Variants in ANXA8 observed in about 807,000 individuals in gnomAD.
The protein encoded by ANXA8 is VAC-beta.
In ANXA8, 9 loss-of-function variants were observed where a neutral mutation model predicts 26.8. The observed-to-expected ratio is 0.34, with a 90% CI of 0.20 to 0.59. The LOEUF (loss-of-function observed/expected upper bound fraction) is 0.59. Among genes scored for constraint, ANXA8 ranks in the 20% least tolerant of loss-of-function variants. The pLI, the probability that ANXA8 is intolerant of heterozygous loss-of-function variation, is 0.84. For synonymous variants in ANXA8, 39 were observed against 94.8 expected, an observed-to-expected ratio of 0.41 and a Z score of 3.42; for missense variants, 83 against 238.5, an observed-to-expected ratio of 0.35 and a Z score of 4.29.
the ANXA8 span, among the ~76,000 whole-genome samples, chr10:47,945,337 C>T: frequency 2.0e-5 from 3 of 150,380 alleles, no homozygotes; most frequent in Admixed American, 6.6e-5. Context: ...AATCAGGAGG[C>T]AGCAGGTGAC....
At chr10:47,566,304 C>A in the ANXA8 span, among the ~76,000 whole-genome samples, 1 of 151,246 alleles carries the variant, frequency 6.6e-6, no homozygotes, top group Non-Finnish European at 1.5e-5. Context: ...GGGGCCCCTC[C>A]CTGATCCCCC....
the ANXA8 span, among the ~76,000 whole-genome samples, chr10:47,595,405 A>G: frequency 6.8e-6 from 1 of 147,786 alleles, no homozygotes; most frequent in Non-Finnish European, 1.5e-5. Flanking sequence ...ACAATCTCAC[A>G]TATCAATGTT....
chr10:47,487,090 T>C, upstream of ANXA8: 2 of 857,948 alleles, frequency 2.3e-6, no homozygotes, highest in Non-Finnish European at 3.5e-6. Context: ...AACACCCTGA[T>C]TGATCACTAT....
At chr10:47,660,602 T>C in the ANXA8 span, among the ~76,000 whole-genome samples, 1 of 151,788 alleles carries the variant, frequency 6.6e-6, no homozygotes, top group Non-Finnish European at 1.5e-5. Context: ...GGTTTCGCCA[T>C]GTTGGCCAGG....
the ANXA8 span, among the ~76,000 whole-genome samples, chr10:47,981,887 T>G: frequency 6.6e-6 from 1 of 152,194 alleles, no homozygotes; most frequent in African/African-American, 2.4e-5. Context: ...AATGCAATCT[T>G]GATTGAAAGA....
At chr10:47,747,420 C>G in the ANXA8 span, among the ~76,000 whole-genome samples, 1 of 134,694 alleles carries the variant, frequency 7.4e-6, no homozygotes, top group Admixed American at 7.9e-5. Context: ...GTTCAGGACC[C>G]ACCAAGGAAA....
the ANXA8 span, among the ~76,000 whole-genome samples, chr10:47,583,897 G>A: frequency 1.5e-5 from 2 of 133,854 alleles, no homozygotes; most frequent in Non-Finnish European, 3.1e-5. Context: ...GAAGAATCTG[G>A]GCGTGTTGCT....
chr10:47,671,670 T>C, the ANXA8 span, among the ~76,000 whole-genome samples: 1 of 151,746 alleles, frequency 6.6e-6, no homozygotes, highest in Non-Finnish European at 1.5e-5. Flanking sequence ...CCTTAGATGC[T>C]GTTTTGGAAG....
the ANXA8 span, among the ~76,000 whole-genome samples, chr10:47,515,795 C>G: frequency 7.6e-6 from 1 of 131,088 alleles, no homozygotes; most frequent in Non-Finnish European, 1.6e-5. Context: ...TAAAGATCCC[C>G]AGATAATACA....
chr10:47,483,455 A>C (rs2132436516), intron 1 of ANXA8, among the ~76,000 whole-genome samples: 1 of 134,012 alleles, frequency 7.5e-6, no homozygotes, highest in Admixed American at 7.2e-5. Flanking sequence ...AGCTGTGCTG[A>C]GCAGCTTCCC....
At chr10:47,694,775 A>G in the ANXA8 span, among the ~76,000 whole-genome samples, 3 of 151,786 alleles carry the variant, frequency 2.0e-5, no homozygotes, top group African/African-American at 7.3e-5. Context: ...ATACCAACAC[A>G]GTAGACAGTT....
At chr10:47,495,980 C>A in the ANXA8 span, among the ~76,000 whole-genome samples, 1 of 151,590 alleles carries the variant, frequency 6.6e-6, no homozygotes, top group East Asian at 1.9e-4. Context: ...GAGAGCACGC[C>A]TTCCCAAGAG....
the ANXA8 span, among the ~76,000 whole-genome samples, chr10:47,534,510 C>T: frequency 1.1e-3 from 148 of 140,056 alleles, 7 homozygotes; most frequent in African/African-American, 3.8e-3. Flanking sequence ...AATGTCTATT[C>T]GAATCCATTG....
At chr10:47,942,793 A>G in the ANXA8 span, among the ~76,000 whole-genome samples, 1 of 145,454 alleles carries the variant, frequency 6.9e-6, no homozygotes, top group East Asian at 2.1e-4. Context: ...TGTCGCTGAG[A>G]TGGTGCTAAG....
At chr10:47,744,487 A>C in the ANXA8 span, among the ~76,000 whole-genome samples, 1 of 145,572 alleles carries the variant, frequency 6.9e-6, no homozygotes, top group Non-Finnish European at 1.5e-5. Flanking sequence ...AAGACCTACT[A>C]CAGCGGTAAG....
chr10:47,768,788 G>C, the ANXA8 span, among the ~76,000 whole-genome samples: 308 of 151,794 alleles, frequency 2.0e-3, 4 homozygotes, highest in African/African-American at 7.1e-3. Context: ...GGCAATTGTG[G>C]CTTCTTGGTT....
the ANXA8 span, among the ~76,000 whole-genome samples, chr10:47,516,684 A>G: frequency 7.4e-6 from 1 of 135,430 alleles, no homozygotes. Flanking sequence ...CTAGGATGAC[A>G]AAAGGCCAAA....
chr10:47,554,184 C>G, the ANXA8 span, among the ~76,000 whole-genome samples: 1 of 16,466 alleles, frequency 6.1e-5, no homozygotes, highest in Non-Finnish European at 9.1e-5. Context: ...CGCCTGTGGT[C>G]CCTGTGGTCC....
chr10:47,986,329 T>G, the ANXA8 span: 3 of 179,358 alleles, frequency 1.7e-5, no homozygotes, highest in African/African-American at 7.2e-5. Flanking sequence ...TTTTGCTCAT[T>G]TTAAAAAACT....
Sources: allele counts gnomAD v4.1 joint callset (sites outside exome capture counted in the v4.1 genomes callset), GRCh38; gene constraint gnomAD v4.1.1; transcripts MANE v1.5; gene names NCBI Gene and HGNC (gene_info 2026-07-23, HGNC 2026-07-21).